The following FRMPD2 variants were observed in gnomAD, a reference collection of about 807,000 sequenced individuals.
The protein encoded by FRMPD2 is FERM and PDZ domain containing 2.
FRMPD2 carries 96 observed loss-of-function variants against 140.1 expected under a neutral mutation model. That is an observed-to-expected ratio of 0.69 (90% CI 0.58 to 0.81). The LOEUF (loss-of-function observed/expected upper bound fraction) is 0.81. Among genes scored for constraint, FRMPD2 ranks in the 40% least tolerant of loss-of-function variants. FRMPD2 has a pLI of 0.00. For synonymous variants in FRMPD2, 449 were observed against 547.6 expected, an observed-to-expected ratio of 0.82 and a Z score of 2.52; for missense variants, 1,240 against 1,447.4, an observed-to-expected ratio of 0.86 and a Z score of 2.32.
chr10:48,180,395 T>C (rs1410690704), intron 21 of FRMPD2, among the ~76,000 whole-genome samples: 2 of 152,076 alleles, frequency 1.3e-5, no homozygotes, highest in Admixed American at 6.5e-5. Context: ...TGGGGTATGG[T>C]CAAGAGCAAA....
intron 14 of FRMPD2, among the ~76,000 whole-genome samples, chr10:48,203,399 C>T (rs529245824): frequency 3.9e-5 from 6 of 152,226 alleles, no homozygotes; most frequent in African/African-American, 9.6e-5. Flanking sequence ...TCTGTGTATA[C>T]GATGATGTAT....
chr10:48,201,735 T>G (rs1315146998), intron 14 of FRMPD2: 1 of 159,966 alleles, frequency 6.3e-6, no homozygotes, highest in Non-Finnish European at 1.4e-5. Flanking sequence ...TCCCATTGTT[T>G]TTATTGTACA....
intron 16 of FRMPD2, among the ~76,000 whole-genome samples, chr10:48,189,076 G>C (rs1298587554): frequency 6.6e-6 from 1 of 152,108 alleles, no homozygotes; most frequent in Non-Finnish European, 1.5e-5. Context: ...AGGATGGTAG[G>C]TGTTATATTA....
chr10:48,184,749 T>A, intron 19 of FRMPD2, 25 bp downstream of exon 19: 1 of 1,597,738 alleles, frequency 6.3e-7, no homozygotes, highest in Non-Finnish European at 8.6e-7. Context: ...TAAAACAGCA[T>A]CTCTAGTAAT....
intron 12 of FRMPD2, among the ~76,000 whole-genome samples, chr10:48,214,494 A>C (rs941080376): frequency 6.6e-6 from 1 of 152,212 alleles, no homozygotes; most frequent in Non-Finnish European, 1.5e-5. Context: ...CAGGATTTTT[A>C]TGGTGTCTGT....
At chr10:48,209,998 A>C (rs1839282506) in intron 13 of FRMPD2, among the ~76,000 whole-genome samples, 1 of 152,236 alleles carries the variant, frequency 6.6e-6, no homozygotes, top group African/African-American at 2.4e-5. Flanking sequence ...AGCTAATTTT[A>C]AATATATATG....
At chr10:48,209,046 A>G (rs1839263206) in intron 13 of FRMPD2, among the ~76,000 whole-genome samples, 1 of 152,196 alleles carries the variant, frequency 6.6e-6, no homozygotes, top group Admixed American at 6.5e-5. Context: ...GCTGTTCAGT[A>G]CAGATTTGTG....
At chr10:48,233,036 T>C (rs549068980) in intron 9 of FRMPD2, among the ~76,000 whole-genome samples, 10 of 152,290 alleles carry the variant, frequency 6.6e-5, no homozygotes, top group African/African-American at 2.2e-4. Context: ...ATCTGTCAGG[T>C]CAGGCTCTGG....
chr10:48,223,283 T>C lies in FRMPD2; in HGVS notation c.1169-13A>G, dbSNP rs117088299. 1 of 1,608,822 alleles carries C rather than the reference T, an allele frequency of 6.2e-7. No individual in the cohort carries two copies. Among genetic ancestry groups the C allele is most frequent in the Non-Finnish European group, 8.5e-7 (1 of 1,177,332 alleles). On this transcript the variant is annotated splice_polypyrimidine_tract_variant and intron_variant, in intron 10 of 28. Coordinates refer to ENST00000374201, the MANE Select transcript of FRMPD2 (RefSeq NM_001018071.4). ...AAGAACTCTTTGCCTGAAATGGAAA[T>C]AGAGCATGTGTGGAAGGAGAAGCAG... is the stretch of plus-strand genomic sequence containing the variant.
chr10:48,181,474 T>C (rs1377556862), intron 20 of FRMPD2, among the ~76,000 whole-genome samples: 8 of 152,110 alleles, frequency 5.3e-5, no homozygotes, highest in African/African-American at 1.7e-4. Flanking sequence ...CAGCCTCTCC[T>C]GGACACCCCA....
intron 1 of FRMPD2, among the ~76,000 whole-genome samples, chr10:48,256,743 G>A (rs1840497848): frequency 1.3e-5 from 2 of 152,142 alleles, no homozygotes; most frequent in Non-Finnish European, 2.9e-5. Context: ...ACAACTCCTG[G>A]CCTCGTGGGT....
intron 12 of FRMPD2, among the ~76,000 whole-genome samples, chr10:48,212,455 G>A (rs1367738843): frequency 6.6e-6 from 1 of 152,176 alleles, no homozygotes; most frequent in African/African-American, 2.4e-5. Context: ...TCAACAGGGC[G>A]AAGATCACAC....
chr10:48,218,778 A>T (rs1024160080), intron 12 of FRMPD2, among the ~76,000 whole-genome samples: 1 of 152,242 alleles, frequency 6.6e-6, no homozygotes, highest in Non-Finnish European at 1.5e-5. Context: ...CAAGAAGCCC[A>T]AGTCCTACTG....
intron 13 of FRMPD2, among the ~76,000 whole-genome samples, chr10:48,207,445 AT>A (rs1839227208): frequency 6.6e-6 from 1 of 152,112 alleles, no homozygotes; most frequent in Non-Finnish European, 1.5e-5. Context: ...GAAAATGACC[AT>A]TCATTTTGGT....
intron 10 of FRMPD2, among the ~76,000 whole-genome samples, chr10:48,230,421 C>T (rs1345484508): frequency 6.6e-6 from 1 of 152,220 alleles, no homozygotes; most frequent in Non-Finnish European, 1.5e-5. Context: ...TGAGGTTTGT[C>T]TTGATTTGGC....
chr10:48,254,374 C>T (rs765996657), intron 1 of FRMPD2, among the ~76,000 whole-genome samples: 78 of 152,212 alleles, frequency 5.1e-4, no homozygotes, highest in Non-Finnish European at 9.8e-4. Flanking sequence ...CTTTTCTTGA[C>T]CTGAGAGGTC....
At chr10:48,261,978 C>G (rs903450583) in intron 1 of FRMPD2, among the ~76,000 whole-genome samples, 1 of 151,708 alleles carries the variant, frequency 6.6e-6, no homozygotes, top group Non-Finnish European at 1.5e-5. Context: ...AACTTACATG[C>G]CAAAATAATA....
At chr10:48,264,859 G>A (rs1403681283) in intron 1 of FRMPD2, among the ~76,000 whole-genome samples, 2 of 152,044 alleles carry the variant, frequency 1.3e-5, no homozygotes, top group Non-Finnish European at 2.9e-5. Context: ...GAGAAACAAA[G>A]TTGTAGGACT....
At chr10:48,159,122 C>A in intron 28 of FRMPD2, 2 of 456,110 alleles carry the variant, frequency 4.4e-6, no homozygotes, top group Non-Finnish European at 8.8e-6. Flanking sequence ...GTCTCCAGTT[C>A]TCCAACATCA....
Sources: gnomAD v4.1 joint callset for allele counts (sites outside exome capture counted in the v4.1 genomes callset) on GRCh38, gnomAD v4.1.1 for gene constraint, MANE v1.5 for transcripts, NCBI Gene and HGNC (gene_info 2026-07-23, HGNC 2026-07-21) for gene names.